Variants in SMAD9 observed in about 807,000 individuals in gnomAD.
SMAD9 encodes MAD homolog 9.
In SMAD9, 36 loss-of-function variants were observed where a neutral mutation model predicts 46.1. The observed-to-expected ratio is 0.78, with a 90% CI of 0.60 to 1.03. The LOEUF is 1.03. SMAD9 is among the 50% of genes least tolerant of loss of function. The pLI is 0.00. For synonymous variants in SMAD9, 245 were observed against 237.1 expected (o/e 1.03, Z -0.31); for missense variants, 572 against 599.8 (o/e 0.95, Z 0.48).
intron 1 of SMAD9, among the ~76,000 whole-genome samples, chr13:36,915,023 G>A (rs1171446448): frequency 1.3e-5 from 2 of 152,182 alleles, no homozygotes; most frequent in Admixed American, 1.3e-4. Flanking sequence ...CAGATGAAAA[G>A]TAAAAAACAG....
chr13:36,886,721 TG>T (rs1327506214), intron 1 of SMAD9, among the ~76,000 whole-genome samples: 1 of 152,176 alleles, frequency 6.6e-6, no homozygotes, highest in Non-Finnish European at 1.5e-5. Flanking sequence ...AACATGATTG[TG>T]GGGCCAGGGA....
At chr13:36,848,928 G>A (rs1229210140) in intron 6 of SMAD9, 109 bp from the exon 7 acceptor site, 1 of 1,007,016 alleles carries the variant, frequency 9.9e-7, no homozygotes, top group Non-Finnish European at 1.5e-6. Context: ...CGTAGCTCCT[G>A]AGACCTGAGA....
At chr13:36,859,816 A>C (rs560913) in intron 5 of SMAD9, among the ~76,000 whole-genome samples, 31,138 of 151,786 alleles carry the variant, frequency 0.21, 4,885 homozygotes, top group African/African-American at 0.42. Context: ...CAAAATTAGG[A>C]GGGCATGGTG....
chr13:36,869,904 A>G (rs926339611), intron 3 of SMAD9, among the ~76,000 whole-genome samples: 3 of 152,300 alleles, frequency 2.0e-5, no homozygotes, highest in Admixed American at 6.5e-5. Context: ...AACATATGAG[A>G]AACCACTGAA....
chr13:36,855,512 T>C (rs553786720), intron 5 of SMAD9, among the ~76,000 whole-genome samples: 5 of 152,300 alleles, frequency 3.3e-5, no homozygotes, highest in South Asian at 4.1e-4. Flanking sequence ...AATGTGATTA[T>C]ACATATGATC....
intron 1 of SMAD9, among the ~76,000 whole-genome samples, chr13:36,911,079 C>T (rs1337935678): frequency 1.3e-5 from 2 of 152,092 alleles, no homozygotes; most frequent in Non-Finnish European, 2.9e-5. Context: ...GATCATGGCT[C>T]ACCGCAGCCT....
chr13:36,865,407 A>G, intron 5 of SMAD9, 130 bp downstream of exon 5: 1 of 737,824 alleles, frequency 1.4e-6, no homozygotes, highest in Non-Finnish European at 2.4e-6. Flanking sequence ...GCTATCTCAG[A>G]GCTCACCAGC....
intron 5 of SMAD9, among the ~76,000 whole-genome samples, chr13:36,859,557 T>C (rs1001695541): frequency 4.6e-5 from 7 of 152,202 alleles, no homozygotes; most frequent in African/African-American, 1.7e-4. Context: ...CTCCCACCAG[T>C]GCCATGACAA....
At chr13:36,915,576 T>C (rs2058692769) in intron 1 of SMAD9, among the ~76,000 whole-genome samples, 1 of 152,140 alleles carries the variant, frequency 6.6e-6, no homozygotes, top group Non-Finnish European at 1.5e-5. Flanking sequence ...GATTTTGATA[T>C]TTAATATCTA....
At chr13:36,915,835 T>C (rs1271442837) in intron 1 of SMAD9, among the ~76,000 whole-genome samples, 1 of 152,146 alleles carries the variant, frequency 6.6e-6, no homozygotes, top group Non-Finnish European at 1.5e-5. Flanking sequence ...ATATTGGGAG[T>C]CGTTTTGATT....
intron 1 of SMAD9, among the ~76,000 whole-genome samples, chr13:36,902,306 T>G (rs1236297252): frequency 6.6e-6 from 1 of 152,236 alleles, no homozygotes; most frequent in African/African-American, 2.4e-5. Context: ...AAAAATCAAT[T>G]GGCCACAGAT....
At chr13:36,908,125 ACT>A (rs1039807222) in intron 1 of SMAD9, among the ~76,000 whole-genome samples, 7 of 152,248 alleles carry the variant, frequency 4.6e-5, no homozygotes, top group Non-Finnish European at 1.0e-4. Context: ...AGAAGAAAGT[ACT>A]GTTTTTAAAA....
At chr13:36,869,603 C>T (rs1007527758) in intron 3 of SMAD9, among the ~76,000 whole-genome samples, 3 of 149,768 alleles carry the variant, frequency 2.0e-5, no homozygotes, top group Non-Finnish European at 3.0e-5. Context: ...GAGGCCGAGG[C>T]GGGTGGATCA....
chr13:36,916,957 T>C (rs145825126), intron 1 of SMAD9, among the ~76,000 whole-genome samples: 2 of 152,098 alleles, frequency 1.3e-5, no homozygotes, highest in African/African-American at 2.4e-5. Context: ...GCATTTGCTA[T>C]TTTAACTGCA....
rs1024090434 is a variant in SMAD9, at chr13:36,898,562, T to C, written c.-186-18687A>G. Among the ~76,000 whole-genome samples, 43 of 152,262 alleles carry C rather than the reference T, an allele frequency of 2.8e-4. No homozygotes were observed. In the Middle Eastern group the frequency reaches 0.017, roughly 60 times the overall value. On this transcript the variant is annotated intron_variant, in intron 1 of 6. Transcript: ENST00000379826. Reference sequence around the variant, plus strand: ...AGTATAGAAAGGACTAACACACATCTTGACCAAATGAAGTTTATCACAGAA... The same window carrying C: ...AGTATAGAAAGGACTAACACACATCCTGACCAAATGAAGTTTATCACAGAA...
At chr13:36,866,482 C>A (rs568087085) in intron 4 of SMAD9, among the ~76,000 whole-genome samples, 47 of 152,212 alleles carry the variant, frequency 3.1e-4, no homozygotes, top group South Asian at 1.2e-3. Context: ...CCACTCACAC[C>A]CTTTCTCTGC....
rs561667347 is a variant in SMAD9 at position 36,898,108 on chromosome 13, T to C, written c.-186-18233A>G. Reference sequence around the variant, plus strand: ...CTCCTGACCTCGTGATCCGCCCGCCTCGGCCTCCCAAAGTGCTGGGATTAC... The same window carrying C: ...CTCCTGACCTCGTGATCCGCCCGCCCCGGCCTCCCAAAGTGCTGGGATTAC... On this transcript the variant is annotated intron_variant, in intron 1 of 6. Coordinates refer to ENST00000379826, the MANE Select transcript of SMAD9 (RefSeq NM_001127217.3). Among the ~76,000 whole-genome samples the C allele has an allele frequency of 1.8e-4, 27 of 152,072 alleles. No individual in the cohort carries two copies. In the South Asian group the frequency reaches 5.2e-3, roughly 29 times the overall value.
At chr13:36,876,544 T>A (rs1181833963) in intron 2 of SMAD9, among the ~76,000 whole-genome samples, 8 of 152,198 alleles carry the variant, frequency 5.3e-5, no homozygotes, top group Non-Finnish European at 8.8e-5. Flanking sequence ...AAAATTGGGC[T>A]TATATTTTCT....
At chr13:36,920,541 C>T (rs1024469149), upstream of SMAD9, 2 of 152,306 alleles carry the variant, frequency 1.3e-5, no homozygotes, top group African/African-American at 4.8e-5. Context: ...CGACCCCAGG[C>T]TCGGCCCCTG....
Sources: allele counts gnomAD v4.1 joint callset (sites outside exome capture counted in the v4.1 genomes callset), GRCh38; gene constraint gnomAD v4.1.1; transcripts MANE v1.5; gene names NCBI Gene and HGNC (gene_info 2026-07-23, HGNC 2026-07-21).